The following GSDME variants were observed in gnomAD, a reference collection of about 807,000 sequenced individuals.
The protein encoded by GSDME is gasdermin E.
In GSDME, 44 loss-of-function variants were observed where a neutral mutation model predicts 47.5. The ratio of observed to expected loss-of-function variants is 0.93; its 90% CI spans 0.73 to 1.19. The LOEUF (loss-of-function observed/expected upper bound fraction) is 1.19, where lower values mean the gene tolerates loss of function less well. Among genes scored for constraint, GSDME ranks in the 50% most tolerant of loss-of-function variants. The pLI is 0.00. For synonymous variants in GSDME, 258 were observed against 252.8 expected (o/e 1.02, Z -0.20); for missense variants, 663 against 604.2 (o/e 1.10, Z -1.02).
chr7:24,751,688 T>G, intron 1 of GSDME, among the ~76,000 whole-genome samples: 1 of 152,260 alleles, frequency 6.6e-6, no homozygotes, highest in Admixed American at 6.5e-5. Context: ...CAGGCTGTCA[T>G]CTGTAATTTA....
chr7:24,755,099 A>G (rs1041581311), intron 1 of GSDME, among the ~76,000 whole-genome samples: 2 of 152,232 alleles, frequency 1.3e-5, no homozygotes, highest in African/African-American at 4.8e-5. Context: ...GATCACAGCA[A>G]AGAAAGAAGC....
At position 24,728,545 on chromosome 7, in the gene GSDME, G is replaced by A. The variant is rs111407196; in HGVS notation, c.405-9327C>T. On this transcript the variant is annotated intron_variant, in intron 3 of 9. Coordinates refer to ENST00000645220, the MANE Select transcript of GSDME (RefSeq NM_001127453.2). The surrounding 1 kb of genome is among the most constrained non-coding windows in gnomAD (Gnocchi z 7.2). ...GCACCATCCACCCTCGAAGCTCTGC[G>A]CCCATCTGCCTCTCCCTCCTGAACC... is the stretch of plus-strand genomic sequence containing the variant. 2.6e-5 allele frequency among the ~76,000 whole-genome samples: 4 copies of A among 152,150 alleles called. No individual in the cohort carries two copies. The highest frequency in any genetic ancestry group is 6.5e-5 in the Admixed American group (1 of 15,276).
chr7:24,718,969 A>G, intron 4 of GSDME, 78 bp downstream of exon 4: 2 of 1,504,620 alleles, frequency 1.3e-6, no homozygotes, highest in Non-Finnish European at 1.8e-6. Context: ...ACTAATGAAG[A>G]CACCACCCAA....
chr7:24,766,561 T>A, the GSDME span, among the ~76,000 whole-genome samples: 5 of 152,186 alleles, frequency 3.3e-5, no homozygotes, highest in African/African-American at 1.2e-4. This position sits in a 1 kb window ranked among gnomAD's most constrained non-coding sequence, Gnocchi z 4.2. Flanking sequence ...GTGTTTGGTT[T>A]TCTGTTCTTG....
At chr7:24,774,201 T>C in the GSDME span, among the ~76,000 whole-genome samples, 1 of 152,016 alleles carries the variant, frequency 6.6e-6, no homozygotes, top group African/African-American at 2.4e-5. Context: ...ATTTGCTCCT[T>C]AACATGAACA....
intron 3 of GSDME, among the ~76,000 whole-genome samples, chr7:24,730,978 A>T (rs1489733039): frequency 6.6e-6 from 1 of 152,232 alleles, no homozygotes; most frequent in East Asian, 1.9e-4. Flanking sequence ...AAGTCAGACA[A>T]GCTTTCAGGG....
Position 24,734,114 on chromosome 7 carries a change from A to G in GSDME, c.404+10448T>C, listed in dbSNP as rs147666564. ...ACTCTGTTTTGGAGAAAGTAAGGGAAGAGAACAAGAGTCTCTGCCTGTGAT... is the reference window on the plus strand; with the variant it reads ...ACTCTGTTTTGGAGAAAGTAAGGGAGGAGAACAAGAGTCTCTGCCTGTGAT... On this transcript the variant is annotated intron_variant, in intron 3 of 9. Coordinates refer to ENST00000645220, the MANE Select transcript of GSDME (RefSeq NM_001127453.2). Among the ~76,000 whole-genome samples, 273 of 152,350 alleles carry G rather than the reference A, an allele frequency of 1.8e-3. 4 individuals carry two copies. Among genetic ancestry groups the G allele is most frequent in the South Asian group, 1.9e-3 (9 of 4,824 alleles).
At position 24,733,409 on chromosome 7, in the gene GSDME, A is replaced by G. The variant is rs932584290; in HGVS notation, c.404+11153T>C. On this transcript the variant is annotated intron_variant, in intron 3 of 9. Transcript: ENST00000645220. This position sits in a 1 kb window ranked among gnomAD's most constrained non-coding sequence, Gnocchi z 4.3. ...TTCTGCTTGAGAAAAGCAGAGAGAA[A>G]AGAGGACTTTGTCTTGCAGCTTGGG... Among the ~76,000 whole-genome samples the G allele has an allele frequency of 6.6e-6, 1 of 152,118 alleles. No homozygotes were observed. Among genetic ancestry groups the G allele is most frequent in the Non-Finnish European group, 1.5e-5 (1 of 68,030 alleles).
At chr7:24,731,321 G>A (rs563307827) in intron 3 of GSDME, among the ~76,000 whole-genome samples, 9 of 152,340 alleles carry the variant, frequency 5.9e-5, no homozygotes, top group East Asian at 1.9e-4. Flanking sequence ...CCAGCTACAC[G>A]TCTGGATCAG....
At chr7:24,750,804 T>C (rs1250400263) in intron 1 of GSDME, among the ~76,000 whole-genome samples, 1 of 152,228 alleles carries the variant, frequency 6.6e-6, no homozygotes, top group Non-Finnish European at 1.5e-5. Flanking sequence ...ACAGTCATAC[T>C]TTAGCAGGAG....
chr7:24,734,176 AGGT>A (rs934405997), intron 3 of GSDME, among the ~76,000 whole-genome samples: 26 of 152,324 alleles, frequency 1.7e-4, no homozygotes, highest in African/African-American at 5.5e-4. Flanking sequence ...AAGACCACCA[AGGT>A]GGTACCTCTA....
rs144112038 is a variant in GSDME at position 24,744,094 on chromosome 7, A to G, written c.404+468T>C. 2,382 of 220,566 alleles carry G rather than the reference A, an allele frequency of 0.011. 22 individuals carry two copies. The highest frequency in any genetic ancestry group is 0.023 in the Middle Eastern group (13 of 562). The allele number at this position is 220,566 out of a possible 1,614,324, so 13.7% of individuals were successfully genotyped here. A position where few individuals can be genotyped will look rare whatever the true frequency, so the allele number is the denominator to read the frequency against. On this transcript the variant is annotated intron_variant, in intron 3 of 9. Coordinates refer to ENST00000645220, the MANE Select transcript of GSDME (RefSeq NM_001127453.2). This position sits in a 1 kb window ranked among gnomAD's most constrained non-coding sequence, Gnocchi z 4.5. ...AAGATGTATTTACCGAAAGCCAAAC[A>G]ATGAATAAATGTGGGGTTTTCTTCA...
intron 7 of GSDME, among the ~76,000 whole-genome samples, chr7:24,706,982 G>A (rs1437435177): frequency 6.6e-6 from 1 of 152,230 alleles, no homozygotes; most frequent in African/African-American, 2.4e-5. Flanking sequence ...TCCACAGGGT[G>A]CTGGCCTGAC....
intron 1 of GSDME, among the ~76,000 whole-genome samples, chr7:24,752,714 A>T (rs1790895068): frequency 6.6e-6 from 1 of 152,220 alleles, no homozygotes. Context: ...CTGCTAGTCC[A>T]GGAAAAGAGC....
the GSDME span, among the ~76,000 whole-genome samples, chr7:24,778,900 G>A: frequency 6.6e-6 from 1 of 152,140 alleles, no homozygotes; most frequent in African/African-American, 2.4e-5. The surrounding 1 kb of genome is among the most constrained non-coding windows in gnomAD (Gnocchi z 5.6). Context: ...AATAAATTTG[G>A]AGGGCATCTT....
intron 3 of GSDME, among the ~76,000 whole-genome samples, chr7:24,727,602 A>G (rs1010782163): frequency 2.6e-5 from 4 of 152,390 alleles, no homozygotes; most frequent in African/African-American, 9.6e-5. Flanking sequence ...TTCACACACC[A>G]GCTGTAGAGT....
chr7:24,763,259 G>A, the GSDME span, among the ~76,000 whole-genome samples: 1 of 152,048 alleles, frequency 6.6e-6, no homozygotes, highest in Non-Finnish European at 1.5e-5. This position sits in a 1 kb window ranked among gnomAD's most constrained non-coding sequence, Gnocchi z 4.3. Flanking sequence ...TTTGGTTCTT[G>A]AAATAGATCT....
the GSDME span, among the ~76,000 whole-genome samples, chr7:24,785,817 G>T: frequency 6.6e-6 from 1 of 152,150 alleles, no homozygotes; most frequent in Non-Finnish European, 1.5e-5. Context: ...TATCTTTCCA[G>T]TTCCTTCCTT....
At chr7:24,749,438 G>A (rs910360160) in intron 2 of GSDME, 126 bp downstream of exon 2, 2 of 809,850 alleles carry the variant, frequency 2.5e-6, no homozygotes, top group East Asian at 4.9e-5. Flanking sequence ...GGAGGCAGAG[G>A]TTGCAATGGG....
Sources: allele counts gnomAD v4.1 joint callset (sites outside exome capture counted in the v4.1 genomes callset), GRCh38; gene constraint gnomAD v4.1.1; non-coding constraint Gnocchi (gnomAD v3.1); transcripts MANE v1.5; gene names NCBI Gene and HGNC (gene_info 2026-07-23, HGNC 2026-07-21).